GLIS3: variants seen among roughly 807,000 people sequenced by gnomAD.
GLIS3 encodes GLIS family zinc finger 3.
A neutral mutation model predicts 78.6 loss-of-function variants in GLIS3; 53 were observed. That is an observed-to-expected ratio of 0.67 (90% CI 0.54 to 0.85). The LOEUF is 0.85. Among genes scored for constraint, GLIS3 ranks in the 40% least tolerant of loss-of-function variants. The probability of loss-of-function intolerance (pLI) is 0.00; values close to 1 mark genes in which losing one functional copy is unlikely to be tolerated. For missense variants in GLIS3, 1,703 were observed against 1,231.1 expected, an observed-to-expected ratio of 1.38 and a Z score of -5.74; for synonymous variants, 684 against 509.9, an observed-to-expected ratio of 1.34 and a Z score of -4.60.
At chr9:4,094,302 G>T (rs1829768777) in intron 4 of GLIS3, among the ~76,000 whole-genome samples, 1 of 152,332 alleles carries the variant, frequency 6.6e-6, no homozygotes, top group South Asian at 2.1e-4. Flanking sequence ...AGATGTAGGA[G>T]AAATTGACAT....
At chr9:4,129,311 C>T (rs983028995) in intron 2 of GLIS3, among the ~76,000 whole-genome samples, 2 of 152,160 alleles carry the variant, frequency 1.3e-5, no homozygotes, top group African/African-American at 4.8e-5. Flanking sequence ...TCTATGTCTT[C>T]TCATCTGCCA....
the GLIS3 span, among the ~76,000 whole-genome samples, chr9:4,465,722 C>T: frequency 2.9e-4 from 44 of 152,172 alleles, no homozygotes; most frequent in South Asian, 9.1e-3. Flanking sequence ...TATACACCTA[C>T]TATGCATCTA....
At chr9:4,042,662 G>A (rs148265144) in intron 4 of GLIS3, among the ~76,000 whole-genome samples, 60 of 152,202 alleles carry the variant, frequency 3.9e-4, no homozygotes, top group South Asian at 2.1e-3. Context: ...TTAACATCAT[G>A]CTGCAAACAC....
chr9:4,472,690 G>A, the GLIS3 span, among the ~76,000 whole-genome samples: 1 of 152,000 alleles, frequency 6.6e-6, no homozygotes, highest in African/African-American at 2.4e-5. Flanking sequence ...ACACCAACAT[G>A]GCACATGTAC....
chr9:4,258,391 G>C (rs1168880483), intron 2 of GLIS3, among the ~76,000 whole-genome samples: 1 of 152,188 alleles, frequency 6.6e-6, no homozygotes, highest in Non-Finnish European at 1.5e-5. Flanking sequence ...GGTCATATTG[G>C]TGAGTAAGAC....
the GLIS3 span, among the ~76,000 whole-genome samples, chr9:4,480,656 G>A: frequency 1.1e-4 from 17 of 151,944 alleles, no homozygotes; most frequent in South Asian, 4.2e-4. Flanking sequence ...CTCAGCATAC[G>A]AACGCCTTGG....
intron 1 of GLIS3, among the ~76,000 whole-genome samples, chr9:4,299,159 G>A (rs1350235708): frequency 2.0e-5 from 3 of 152,110 alleles, no homozygotes; most frequent in African/African-American, 7.2e-5. Flanking sequence ...TACACTGGGC[G>A]CTCTTAGGCC....
the GLIS3 span, among the ~76,000 whole-genome samples, chr9:4,423,477 CTCTT>C: frequency 6.6e-6 from 1 of 152,140 alleles, no homozygotes; most frequent in Admixed American, 6.6e-5. Context: ...AAAAACCACT[CTCTT>C]TCCCAATGAA....
chr9:3,939,756 G>A (rs901921397), intron 4 of GLIS3, among the ~76,000 whole-genome samples: 2 of 152,042 alleles, frequency 1.3e-5, no homozygotes, highest in Admixed American at 6.5e-5. Context: ...TATGTTGTAT[G>A]AATAAAGGCA....
At chr9:3,993,090 G>C (rs935924110) in intron 4 of GLIS3, among the ~76,000 whole-genome samples, 4 of 152,160 alleles carry the variant, frequency 2.6e-5, no homozygotes, top group African/African-American at 9.7e-5. Context: ...TGGGGAAAAA[G>C]GTTTTTGCAT....
chr9:4,261,366 G>A (rs912547141), intron 2 of GLIS3, among the ~76,000 whole-genome samples: 1 of 152,154 alleles, frequency 6.6e-6, no homozygotes, highest in Non-Finnish European at 1.5e-5. Flanking sequence ...GATGGAAGAG[G>A]AGGGAAGAAA....
intron 2 of GLIS3, among the ~76,000 whole-genome samples, chr9:4,243,713 T>G (rs778205875): frequency 5.2e-4 from 79 of 152,184 alleles, no homozygotes; most frequent in Non-Finnish European, 1.1e-3. Flanking sequence ...TCCCTGGCAG[T>G]TTTCTTAAAA....
intron 2 of GLIS3, among the ~76,000 whole-genome samples, chr9:4,225,391 G>C (rs1366945167): frequency 6.6e-6 from 1 of 152,190 alleles, no homozygotes; most frequent in Non-Finnish European, 1.5e-5. Flanking sequence ...AGACAGCCAA[G>C]ACACTGGAAA....
chr9:4,338,495 C>A (rs571905377), intron 2 of GLIS3, among the ~76,000 whole-genome samples: 9 of 152,070 alleles, frequency 5.9e-5, no homozygotes, highest in South Asian at 4.2e-4. Flanking sequence ...CCATACTAGA[C>A]AACCTATGAG....
At chr9:4,388,407 G>C in the GLIS3 span, among the ~76,000 whole-genome samples, 405 of 152,110 alleles carry the variant, frequency 2.7e-3, 5 homozygotes, top group African/African-American at 9.0e-3. Flanking sequence ...GGCCAGGTGT[G>C]GTGGCTCACG....
intron 6 of GLIS3, among the ~76,000 whole-genome samples, chr9:3,923,655 G>A (rs1419440219): frequency 6.6e-6 from 1 of 151,916 alleles, no homozygotes; most frequent in East Asian, 1.9e-4. Flanking sequence ...TACCCAAAAA[G>A]ACTATCATAA....
chr9:3,937,912 A>G (rs574736562), intron 4 of GLIS3, among the ~76,000 whole-genome samples: 1 of 152,332 alleles, frequency 6.6e-6, no homozygotes, highest in Non-Finnish European at 1.5e-5. Context: ...TCATTATCTA[A>G]TTCATGAGGA....
intron 2 of GLIS3, among the ~76,000 whole-genome samples, chr9:4,193,816 A>G (rs530823099): frequency 5.3e-5 from 8 of 152,322 alleles, no homozygotes; most frequent in African/African-American, 1.4e-4. Context: ...ACCTCCATTC[A>G]TTTTACCTCT....
intron 2 of GLIS3, among the ~76,000 whole-genome samples, chr9:4,342,392 G>A (rs116122806): frequency 6.6e-6 from 1 of 152,174 alleles, no homozygotes; most frequent in African/African-American, 2.4e-5. Context: ...TTTTGTCAAA[G>A]GTTGGGTGAT....
Sources: allele counts gnomAD v4.1 joint callset (sites outside exome capture counted in the v4.1 genomes callset), GRCh38; gene constraint gnomAD v4.1.1; transcripts MANE v1.5; gene names NCBI Gene and HGNC (gene_info 2026-07-23, HGNC 2026-07-21).